Variants in PAM16 observed in about 807,000 individuals in gnomAD.
PAM16 encodes presequence translocase associated motor 16, also known as mitochondrial import inner membrane translocase subunit TIM16.
A neutral mutation model predicts 17.9 loss-of-function variants in PAM16; 11 were observed. That is an observed-to-expected ratio of 0.62 (90% CI 0.39 to 1.02). PAM16 has a LOEUF of 1.02. PAM16 is among the 50% of genes least tolerant of loss of function. The pLI is 0.01. For missense variants in PAM16, 199 were observed against 165.4 expected, an observed-to-expected ratio of 1.20 and a Z score of -1.11; for synonymous variants, 72 against 67.4, an observed-to-expected ratio of 1.07 and a Z score of -0.34.
intron 1 of PAM16, among the ~76,000 whole-genome samples, chr16:4,348,953 CTTTTTTTTTTT>C (rs1219395068): frequency 3.5e-5 from 4 of 114,242 alleles, no homozygotes; most frequent in Non-Finnish European, 7.2e-5. Context: ...CTAGCACTTT[CTTTTTTTTTTT>C]TTTTTTTTGA....
At chr16:4,349,511 C>G (rs1261721677) in intron 1 of PAM16, among the ~76,000 whole-genome samples, 2 of 152,132 alleles carry the variant, frequency 1.3e-5, no homozygotes, top group Non-Finnish European at 2.9e-5. Context: ...ACCTAAGCCC[C>G]AGGAGGTTGA....
intron 1 of PAM16, chr16:4,345,891 C>T (rs777071173): frequency 4.1e-6 from 4 of 985,158 alleles, no homozygotes; most frequent in Admixed American, 6.1e-5. Context: ...AGGGTCCCCT[C>T]GGCTTGAAAC....
rs1235044567 is a variant in PAM16, at chr16:4,344,655, C to G, written c.4-1364G>C. On this transcript the variant is annotated intron_variant, in intron 1 of 4. Transcript: ENST00000318059. ...GGGGGTTCCGTGAGAGGAGGGGGTT[C>G]CGTGAGAGGAGGGGGTTCTGTGAGA... Among the ~76,000 whole-genome samples, 3 of 1,332 alleles carry G rather than the reference C, an allele frequency of 2.3e-3. 1 individual carries two copies. The highest frequency in any genetic ancestry group is 7.5e-3 in the African/African-American group (2 of 266). The allele number at this position is 1,332 out of a possible 152,430, so 0.9% of individuals were successfully genotyped here.
intron 1 of PAM16, 42 bp from the exon 2 acceptor site, chr16:4,343,333 T>C (rs1383214924): frequency 2.6e-6 from 4 of 1,566,236 alleles, no homozygotes; most frequent in Admixed American, 1.9e-5. Flanking sequence ...CCACTCCCTG[T>C]GGGCCCACAG....
intron 3 of PAM16, 135 bp from the exon 4 acceptor site, chr16:4,341,120 C>T: frequency 7.8e-7 from 1 of 1,274,368 alleles, no homozygotes; most frequent in Admixed American, 1.9e-5. Context: ...GTTGTGGCCA[C>T]TGAGAGGCAG....
intron 1 of PAM16, among the ~76,000 whole-genome samples, chr16:4,350,573 T>A (rs950138641): frequency 3.9e-5 from 6 of 152,006 alleles, no homozygotes; most frequent in African/African-American, 9.7e-5. Flanking sequence ...GCTAATTTTT[T>A]AAATTTTTTG....
At chr16:4,347,065 A>C (rs1346691158) in intron 1 of PAM16, 2 of 152,130 alleles carry the variant, frequency 1.3e-5, no homozygotes, top group African/African-American at 4.8e-5. Context: ...GCTGGAGTGC[A>C]GTGGTGCAAT....
intron 2 of PAM16, 51 bp downstream of exon 2, chr16:4,343,156 C>G (rs762689632): frequency 8.1e-6 from 13 of 1,611,664 alleles, no homozygotes; most frequent in South Asian, 5.5e-5. Flanking sequence ...CGGGGAAAAT[C>G]TGACCTGGAG....
At chr16:4,349,177 G>C (rs1347726268) in intron 1 of PAM16, among the ~76,000 whole-genome samples, 1 of 150,374 alleles carries the variant, frequency 6.7e-6, no homozygotes, top group African/African-American at 2.5e-5. Context: ...GGATGGTCTT[G>C]ATCTCCTGAC....
chr16:4,346,088 A>C, intron 1 of PAM16: 4 of 513,632 alleles, frequency 7.8e-6, no homozygotes, highest in Non-Finnish European at 1.0e-5. Flanking sequence ...TTCAAACCAA[A>C]GCGGCGTGGT....
intron 4 of PAM16, 43 bp from the exon 5 acceptor site, chr16:4,340,448 C>A: frequency 6.3e-7 from 1 of 1,594,736 alleles, no homozygotes; most frequent in Non-Finnish European, 8.5e-7. Context: ...CAAGCCTCCG[C>A]CCCATACCCC....
intron 1 of PAM16, among the ~76,000 whole-genome samples, chr16:4,344,671 T>G (rs1234387615): frequency 4.1e-4 from 2 of 4,834 alleles, no homozygotes; most frequent in Admixed American, 3.5e-3. Context: ...GAGGAGGGGG[T>G]TCTGTGAGAG....
intron 1 of PAM16, among the ~76,000 whole-genome samples, chr16:4,350,317 T>C (rs1182676722): frequency 2.0e-5 from 3 of 149,922 alleles, no homozygotes; most frequent in Admixed American, 6.7e-5. Flanking sequence ...TGTGTATATA[T>C]ATATATAAAA....
intron 1 of PAM16, chr16:4,347,252 G>C (rs990060061): frequency 3.3e-5 from 5 of 152,192 alleles, no homozygotes; most frequent in African/African-American, 1.2e-4. Context: ...GATTTCACAA[G>C]TAGGTGGAAA....
At chr16:4,346,756 G>C (rs1229010707) in intron 1 of PAM16, 3 of 152,140 alleles carry the variant, frequency 2.0e-5, no homozygotes, top group African/African-American at 7.2e-5. Flanking sequence ...CTCTCGCTCT[G>C]TCACCCAGGC....
At chr16:4,349,849 T>A (rs562629399) in intron 1 of PAM16, among the ~76,000 whole-genome samples, 2 of 152,246 alleles carry the variant, frequency 1.3e-5, no homozygotes, top group Admixed American at 6.5e-5. Flanking sequence ...GATGCATGAC[T>A]ATGGTGGAGT....
chr16:4,340,839 CT>C, intron 4 of PAM16, 80 bp downstream of exon 4: 1 of 1,555,078 alleles, frequency 6.4e-7, no homozygotes, highest in Non-Finnish European at 8.9e-7. Flanking sequence ...AGCTGGCCAG[CT>C]CCCCCAACTA....
At chr16:4,343,918 G>T (rs2053691308) in intron 1 of PAM16, 2 of 397,950 alleles carry the variant, frequency 5.0e-6, no homozygotes, top group Non-Finnish European at 8.8e-6. Flanking sequence ...CATTTGTGCA[G>T]CCATTGGTTC....
chr16:4,341,698 T>A, intron 2 of PAM16, 194 bp from the exon 3 acceptor site: 1 of 912,478 alleles, frequency 1.1e-6, no homozygotes, highest in Non-Finnish European at 1.6e-6. Context: ...CAGACGTGCC[T>A]CACTGGAGGG....
Sources: gnomAD v4.1 joint callset for allele counts (sites outside exome capture counted in the v4.1 genomes callset) on GRCh38, gnomAD v4.1.1 for gene constraint, MANE v1.5 for transcripts, NCBI Gene and HGNC (gene_info 2026-07-23, HGNC 2026-07-21) for gene names.